The following MAPK10 variants were observed in gnomAD, a reference collection of about 807,000 sequenced individuals.
The protein encoded by MAPK10 is mitogen-activated protein kinase 10.
Under a neutral mutation model 59.3 loss-of-function variants are expected in MAPK10, and 25 were observed. The observed-to-expected ratio is 0.42, with a 90% CI of 0.31 to 0.59. MAPK10 has a LOEUF of 0.59. Among genes scored for constraint, MAPK10 ranks in the 20% least tolerant of loss-of-function variants. The pLI, the probability that MAPK10 is intolerant of heterozygous loss-of-function variation, is 0.15. For missense variants in MAPK10, 351 were observed against 568.9 expected (o/e 0.62, Z 3.90); for synonymous variants, 190 against 200.5 (o/e 0.95, Z 0.44).
intron 1 of MAPK10, among the ~76,000 whole-genome samples, chr4:86,562,939 T>A (rs1760787048): frequency 6.6e-6 from 1 of 152,218 alleles, no homozygotes; most frequent in African/African-American, 2.4e-5. Context: ...CAGCTGAAAC[T>A]GCTCTCTGTC....
chr4:86,042,723 C>A (rs2041817428), intron 11 of MAPK10, among the ~76,000 whole-genome samples: 1 of 150,136 alleles, frequency 6.7e-6, no homozygotes, highest in African/African-American at 2.5e-5. Flanking sequence ...AGTAGGGAAT[C>A]AAAGCATACC....
intron 8 of MAPK10, chr4:86,100,766 C>T (rs189090766): frequency 5.3e-4 from 135 of 256,786 alleles, no homozygotes; most frequent in East Asian, 3.4e-3. Context: ...TATCTAGGCA[C>T]GTGTGCTAAT....
At chr4:86,067,235 A>G (rs1455717422) in intron 10 of MAPK10, among the ~76,000 whole-genome samples, 1 of 151,990 alleles carries the variant, frequency 6.6e-6, no homozygotes, top group Non-Finnish European at 1.5e-5. Flanking sequence ...TCTTCCTCCT[A>G]GGTTCAAGCG....
intron 2 of MAPK10, among the ~76,000 whole-genome samples, chr4:86,264,126 T>A (rs1431727777): frequency 1.3e-5 from 2 of 152,224 alleles, no homozygotes; most frequent in African/African-American, 2.4e-5. Context: ...ATTTCTTGCT[T>A]GTATTAAAAT....
At chr4:86,328,571 A>G (rs182569192) in intron 2 of MAPK10, among the ~76,000 whole-genome samples, 21 of 152,370 alleles carry the variant, frequency 1.4e-4, no homozygotes, top group Admixed American at 6.5e-4. Context: ...CTGCAGCACT[A>G]TTTACAATAG....
At chr4:86,509,019 G>A (rs1579433770) in intron 1 of MAPK10, among the ~76,000 whole-genome samples, 1 of 152,044 alleles carries the variant, frequency 6.6e-6, no homozygotes, top group Non-Finnish European at 1.5e-5. Context: ...GAGTTAACAT[G>A]TAGAGTCTTT....
intron 2 of MAPK10, among the ~76,000 whole-genome samples, chr4:86,235,463 T>C (rs897409962): frequency 6.6e-6 from 1 of 152,206 alleles, no homozygotes; most frequent in East Asian, 1.9e-4. Flanking sequence ...TGAAAATCCA[T>C]CAGGCTGCAA....
intron 11 of MAPK10, among the ~76,000 whole-genome samples, chr4:86,039,489 G>C (rs533259864): frequency 1.1e-3 from 163 of 152,246 alleles, no homozygotes; most frequent in South Asian, 1.7e-3. Flanking sequence ...CTTGTGGACT[G>C]AGCTTCCACA....
chr4:86,333,877 T>C (rs1476739928), intron 2 of MAPK10, among the ~76,000 whole-genome samples: 1 of 152,206 alleles, frequency 6.6e-6, no homozygotes, highest in Non-Finnish European at 1.5e-5. Context: ...AAGTGTCATA[T>C]ATGTTTTAAC....
chr4:86,566,072 TGC>T (rs1397434752), intron 1 of MAPK10, among the ~76,000 whole-genome samples: 1 of 152,208 alleles, frequency 6.6e-6, no homozygotes, highest in Non-Finnish European at 1.5e-5. Context: ...CCAAAAGATT[TGC>T]ACATATTAAC....
rs1361274091 is a variant in MAPK10 at position 86,031,473 on chromosome 4, A to G, written c.1111-42T>C. 2.3e-6 allele frequency: 3 copies of G among 1,328,518 alleles called. No individual in the cohort carries two copies. The East Asian group carries it at 6.9e-5, about 30-fold the overall frequency. 82.3% of individuals were successfully genotyped at this position (1,328,518 alleles called of 1,614,324 possible). ...AAAAATAATCTTTGTGTGATAATGTAAACATAACTAAACTCTTACAATGCA... is the reference window on the plus strand; with the variant it reads ...AAAAATAATCTTTGTGTGATAATGTGAACATAACTAAACTCTTACAATGCA... On this transcript the variant is annotated intron_variant, in intron 11 of 13. Transcript: ENST00000641462.
At position 86,358,423 on chromosome 4, in the gene MAPK10, C is replaced by G. The variant is rs568322430; in HGVS notation, c.-122+1235G>C. 4.1e-5 allele frequency: 40 copies of G among 966,852 alleles called. No individual in the cohort carries two copies. In the East Asian group the frequency reaches 3.8e-3, roughly 91 times the overall value. The allele number at this position is 966,852 out of a possible 1,614,324, so 59.9% of individuals were successfully genotyped here. A position where few individuals can be genotyped will look rare whatever the true frequency, so the allele number is the denominator to read the frequency against. ...TGTAGTCTATCCCATATGACTTAGC[C>G]TGCTTCCTTGCAGTTTGTTCATAAA... On this transcript the variant is annotated intron_variant, in intron 1 of 13. Transcript: ENST00000641462.
intron 2 of MAPK10, among the ~76,000 whole-genome samples, chr4:86,214,567 C>A (rs1276043889): frequency 1.6e-5 from 2 of 125,880 alleles, no homozygotes; most frequent in Non-Finnish European, 3.4e-5. Context: ...TTCAGCAAAG[C>A]AGCAGGATAC....
rs115405486 is a variant in MAPK10, at chr4:86,583,141, C to A, written c.-263+10769G>T. Among the ~76,000 whole-genome samples, 324 of 152,148 alleles carry A rather than the reference C, an allele frequency of 2.1e-3. 2 individuals are homozygous for A. Among genetic ancestry groups the A allele is most frequent in the African/African-American group, 7.5e-3 (310 of 41,530 alleles). On this transcript the variant is annotated intron_variant, in intron 1 of 4. Transcript: ENST00000502302. ...GTACCTAAAGTACCTAAGTAGTTTA[C>A]TTAGGTAGTACAGTTACCTAAGTAA...
intron 1 of MAPK10, among the ~76,000 whole-genome samples, chr4:86,542,711 A>G (rs1758817123): frequency 6.6e-6 from 1 of 152,202 alleles, no homozygotes; most frequent in South Asian, 2.1e-4. Context: ...TATGTATGAG[A>G]AGACAAAATT....
chr4:86,133,347 AGCTTTTTT>A (rs1253861153), intron 4 of MAPK10, among the ~76,000 whole-genome samples: 1 of 152,240 alleles, frequency 6.6e-6, no homozygotes, highest in Non-Finnish European at 1.5e-5. Flanking sequence ...GGTATTTATC[AGCTTTTTT>A]ACAATTTGTG....
At chr4:86,564,274 GC>G (rs1386358266) in intron 1 of MAPK10, among the ~76,000 whole-genome samples, 3 of 152,152 alleles carry the variant, frequency 2.0e-5, no homozygotes, top group Non-Finnish European at 4.4e-5. Flanking sequence ...TTTTTGCATA[GC>G]TTTGCCTAGG....
intron 2 of MAPK10, among the ~76,000 whole-genome samples, chr4:86,337,604 C>G (rs1722294340): frequency 1.3e-5 from 2 of 152,158 alleles, no homozygotes; most frequent in African/African-American, 4.8e-5. Context: ...AGCTTGCAAC[C>G]TAGGAGGAGG....
At chr4:86,067,105 A>C (rs1003813412) in intron 10 of MAPK10, among the ~76,000 whole-genome samples, 1 of 152,212 alleles carries the variant, frequency 6.6e-6, no homozygotes, top group Non-Finnish European at 1.5e-5. Context: ...TTAAAAAGTA[A>C]ACTCAAGAAA....
Sources: allele counts gnomAD v4.1 joint callset (sites outside exome capture counted in the v4.1 genomes callset), GRCh38; gene constraint gnomAD v4.1.1; transcripts MANE v1.5; gene names NCBI Gene and HGNC (gene_info 2026-07-23, HGNC 2026-07-21).